The following CDH12 variants were observed in gnomAD, a reference collection of about 807,000 sequenced individuals.
The protein encoded by CDH12 is cadherin 12.
A neutral mutation model predicts 74.1 loss-of-function variants in CDH12; 41 were observed. The ratio of observed to expected loss-of-function variants is 0.55; its 90% confidence interval spans 0.43 to 0.72. The LOEUF (loss-of-function observed/expected upper bound fraction) is 0.72. Ranked by LOEUF, CDH12 falls within the 30% of genes least tolerant of loss-of-function variation. The pLI is 0.00. For synonymous variants in CDH12, 399 were observed against 355.0 expected, an observed-to-expected ratio of 1.12 and a Z score of -1.39; for missense variants, 945 against 977.2, an observed-to-expected ratio of 0.97 and a Z score of 0.44.
chr5:22,166,395 A>G (rs4701274), intron 4 of CDH12, among the ~76,000 whole-genome samples: 46,350 of 151,946 alleles, frequency 0.31, 7,377 homozygotes, highest in South Asian at 0.38. Flanking sequence ...ATAGAAGTCA[A>G]TGGGTTTTTT....
At chr5:22,344,119 G>A (rs1276306651) in intron 3 of CDH12, among the ~76,000 whole-genome samples, 1 of 152,182 alleles carries the variant, frequency 6.6e-6, no homozygotes, top group African/African-American at 2.4e-5. Context: ...GGGGAAAAGA[G>A]TCTAGAGGAA....
chr5:22,767,134 A>G (rs1746556617), intron 1 of CDH12, among the ~76,000 whole-genome samples: 3 of 152,030 alleles, frequency 2.0e-5, no homozygotes, highest in Non-Finnish European at 4.4e-5. Flanking sequence ...TGTGGATTTA[A>G]AAATCCACCT....
intron 6 of CDH12, among the ~76,000 whole-genome samples, chr5:21,867,718 G>C (rs1751403907): frequency 6.6e-6 from 1 of 152,194 alleles, no homozygotes; most frequent in Admixed American, 6.5e-5. Flanking sequence ...AGGTTCATAG[G>C]TGGAAGGGAC....
At chr5:21,821,814 T>G (rs956117507) in intron 8 of CDH12, among the ~76,000 whole-genome samples, 1 of 151,930 alleles carries the variant, frequency 6.6e-6, no homozygotes, top group African/African-American at 2.4e-5. Context: ...ATTCAAACAT[T>G]AGATTGTTCA....
At chr5:21,935,997 G>C (rs192351043) in intron 6 of CDH12, among the ~76,000 whole-genome samples, 1 of 152,152 alleles carries the variant, frequency 6.6e-6, no homozygotes, top group East Asian at 1.9e-4. Flanking sequence ...TTCATCTCTT[G>C]ATGGATGCTT....
intron 4 of CDH12, among the ~76,000 whole-genome samples, chr5:22,198,647 A>G (rs1422845406): frequency 6.6e-6 from 1 of 152,100 alleles, no homozygotes; most frequent in Non-Finnish European, 1.5e-5. Context: ...GACTTCAACA[A>G]TTCTGCTCTA....
chr5:22,274,499 A>C (rs1213165153), intron 3 of CDH12, among the ~76,000 whole-genome samples: 3 of 152,034 alleles, frequency 2.0e-5, no homozygotes, highest in Admixed American at 1.3e-4. Flanking sequence ...TGGACAATCA[A>C]TTTTTTAAAT....
chr5:22,668,396 G>T (rs1213495397), intron 1 of CDH12, among the ~76,000 whole-genome samples: 1 of 152,074 alleles, frequency 6.6e-6, no homozygotes, highest in Non-Finnish European at 1.5e-5. Flanking sequence ...TTTGTTATGT[G>T]GTCATAATGT....
chr5:21,948,221 C>CT (rs1755666352), intron 6 of CDH12, among the ~76,000 whole-genome samples: 1 of 152,192 alleles, frequency 6.6e-6, no homozygotes, highest in East Asian at 1.9e-4. Context: ...AAGAGGGCCA[C>CT]TGTTCTCCAG....
At chr5:22,001,286 C>G (rs191191400) in intron 5 of CDH12, among the ~76,000 whole-genome samples, 30 of 152,030 alleles carry the variant, frequency 2.0e-4, no homozygotes, top group African/African-American at 7.2e-4. Flanking sequence ...CTGCTAGAGG[C>G]CTACCCGATA....
In CDH12 at chr5:21,752,146, T is replaced by A. The variant is rs143993546; in HGVS notation, c.1976A>T (p.His659Leu). 293 of 1,613,972 alleles carry A rather than the reference T, an allele frequency of 1.8e-4. 2 individuals are homozygous for A. Among genetic ancestry groups the A allele is most frequent in the South Asian group, 1.1e-3 (100 of 91,088 alleles). ...CTCCCCACCTCCTTCATCATCGTAA[T>A]GGATGACGTTGTCTCTGATGTCTTC... ...SKEDIRDNVI[H>L]YDDEGGGEED... is the part of the protein sequence containing the mutation. The change falls in exon 15 of 15, where the codon CAT (histidine) becomes CTT (leucine). Residue 659 changes from histidine to leucine, a missense_variant. Transcript: ENST00000382254.
chr5:22,489,289 C>G (rs538711868), intron 2 of CDH12, among the ~76,000 whole-genome samples: 1 of 151,688 alleles, frequency 6.6e-6, no homozygotes, highest in Non-Finnish European at 1.5e-5. Context: ...AATCTCCTGA[C>G]CTCGTGATCC....
chr5:22,078,910 A>T (rs140275966), intron 4 of CDH12, 48 bp from the exon 5 acceptor site: 2 of 1,026,870 alleles, frequency 1.9e-6, no homozygotes, highest in East Asian at 6.8e-5. Flanking sequence ...AAATTGCATG[A>T]TGATATTCAT....
chr5:22,244,802 A>AAGAAAGAAAGAAAGAG (rs1159642087), intron 3 of CDH12, among the ~76,000 whole-genome samples: 2 of 65,622 alleles, frequency 3.0e-5, no homozygotes, highest in Admixed American at 2.0e-4. Context: ...GAAAGAAAGA[A>AAGAAAGAAAGAAAGAG]AAATTCAAAG....
At chr5:22,525,487 A>AG (rs1737227728) in intron 1 of CDH12, among the ~76,000 whole-genome samples, 1 of 151,244 alleles carries the variant, frequency 6.6e-6, no homozygotes, top group African/African-American at 2.4e-5. Context: ...AGAGAGAGAG[A>AG]AAGAGAGAGA....
At chr5:22,136,145 G>T (rs958618072) in intron 4 of CDH12, among the ~76,000 whole-genome samples, 1 of 151,994 alleles carries the variant, frequency 6.6e-6, no homozygotes, top group African/African-American at 2.4e-5. Flanking sequence ...TGAAAAATAA[G>T]AGAAGTAGAG....
chr5:22,839,131 A>AT (rs1172558816), intron 1 of CDH12, among the ~76,000 whole-genome samples: 1 of 152,132 alleles, frequency 6.6e-6, no homozygotes, highest in Non-Finnish European at 1.5e-5. Context: ...TGTAGCATAG[A>AT]TTTTTTTGTA....
At chr5:22,458,765 T>G (rs1007910413) in intron 2 of CDH12, among the ~76,000 whole-genome samples, 2 of 152,230 alleles carry the variant, frequency 1.3e-5, no homozygotes, top group Admixed American at 6.5e-5. Context: ...ACTAGAGGTA[T>G]ATTAAATGTG....
intron 1 of CDH12, among the ~76,000 whole-genome samples, chr5:22,822,772 T>C (rs1749776504): frequency 1.3e-5 from 2 of 152,180 alleles, no homozygotes; most frequent in Non-Finnish European, 2.9e-5. Context: ...GGAACACTTT[T>C]ACACAGTTTG....
Sources: allele counts gnomAD v4.1 joint callset (sites outside exome capture counted in the v4.1 genomes callset), GRCh38; gene constraint gnomAD v4.1.1; transcripts MANE v1.5; gene names NCBI Gene and HGNC (gene_info 2026-07-23, HGNC 2026-07-21).